The following MYO1H variants were observed in gnomAD, a reference collection of about 807,000 sequenced individuals.
The protein encoded by MYO1H is myosin IH.
In MYO1H, 118 loss-of-function variants were observed where a neutral mutation model predicts 149.3. The observed-to-expected ratio is 0.79, with a 90% confidence interval of 0.68 to 0.92. MYO1H has a LOEUF of 0.92. Ranked by LOEUF, MYO1H falls within the 40% of genes least tolerant of loss-of-function variation. MYO1H has a pLI of 0.00. For missense variants in MYO1H, 1,212 were observed against 1,280.7 expected, an observed-to-expected ratio of 0.95 and a Z score of 0.82; for synonymous variants, 447 against 465.2, an observed-to-expected ratio of 0.96 and a Z score of 0.50.
chr12:109,397,767 C>T (rs767956823), exon 5 of MYO1H: 3 of 1,612,210 alleles, frequency 1.9e-6, no homozygotes, highest in Non-Finnish European at 2.5e-6. Context: ...GGAATGACAA[C>T]TCCAGCAGAT....
the MYO1H span, among the ~76,000 whole-genome samples, chr12:109,340,714 G>A: frequency 8.9e-6 from 1 of 111,858 alleles, no homozygotes; most frequent in South Asian, 2.5e-4. Context: ...TTTGACAAAA[G>A]ATTAGAAGGT....
chr12:109,419,861 G>C (rs2217971), intron 15 of MYO1H, among the ~76,000 whole-genome samples: 39,912 of 146,764 alleles, frequency 0.27, 5,466 homozygotes, highest in East Asian at 0.36. Flanking sequence ...ATGCTTGGCT[G>C]CTCCCCCAAC....
chr12:109,446,865 T>C (rs933652154), intron 31 of MYO1H, among the ~76,000 whole-genome samples: 2 of 152,250 alleles, frequency 1.3e-5, no homozygotes, highest in African/African-American at 4.8e-5. Context: ...ATGTAGACTA[T>C]AAGGTGTCTT....
intron 1 of MYO1H, among the ~76,000 whole-genome samples, chr12:109,352,536 C>T (rs561229915): frequency 1.3e-5 from 2 of 152,270 alleles, no homozygotes; most frequent in South Asian, 4.1e-4. Context: ...CTACATCTTG[C>T]GTGTCTCGTT....
intron 2 of MYO1H, among the ~76,000 whole-genome samples, chr12:109,392,372 C>T (rs1362033021): frequency 6.6e-6 from 1 of 152,192 alleles, no homozygotes; most frequent in Non-Finnish European, 1.5e-5. Flanking sequence ...TTCCTGCCTA[C>T]TTTGTTTACA....
At chr12:109,424,801 G>C in exon 17 of MYO1H, 3 of 1,613,928 alleles carry the variant, frequency 1.9e-6, no homozygotes, top group Non-Finnish European at 2.5e-6. Context: ...TGCTGGCCGA[G>C]TTAGAAAACC....
At chr12:109,361,803 C>T (rs1410594477) in intron 1 of MYO1H, among the ~76,000 whole-genome samples, 1 of 121,450 alleles carries the variant, frequency 8.2e-6, no homozygotes, top group Non-Finnish European at 1.6e-5. Flanking sequence ...CAGAGCAAGA[C>T]CTTGTCTCAC....
the MYO1H span, among the ~76,000 whole-genome samples, chr12:109,320,203 G>C: frequency 0.012 from 1,757 of 151,908 alleles, 35 homozygotes; most frequent in African/African-American, 0.04. Context: ...AGTCCCAGCT[G>C]CTTGAGAAGC....
chr12:109,443,300 A>ATATGTGTACGTATATATGTGTG (rs1566045384), intron 27 of MYO1H, among the ~76,000 whole-genome samples: 2 of 125,352 alleles, frequency 1.6e-5, no homozygotes, highest in Non-Finnish European at 1.5e-5. Flanking sequence ...ATATGTGTGT[A>ATATGTGTACGTATATATGTGTG]TATATGTGTA....
chr12:109,318,984 T>TTTTTTG, the MYO1H span, among the ~76,000 whole-genome samples: 11 of 145,396 alleles, frequency 7.6e-5, no homozygotes, highest in South Asian at 2.2e-4. Context: ...TTTTTTTTTT[T>TTTTTTG]TTTTTTTTTT....
intron 20 of MYO1H, 24 bp downstream of exon 20, chr12:109,433,034 A>ATTTGG: frequency 6.5e-7 from 1 of 1,547,042 alleles, no homozygotes; most frequent in Non-Finnish European, 8.9e-7. Context: ...AGACCACCAA[A>ATTTGG]TGGTCTCTTC....
At chr12:109,429,503 A>T (rs147473875) in intron 19 of MYO1H, among the ~76,000 whole-genome samples, 2 of 152,224 alleles carry the variant, frequency 1.3e-5, no homozygotes, top group African/African-American at 4.8e-5. Context: ...TAGTATTTAC[A>T]TAGTATTAGG....
intron 12 of MYO1H, 73 bp downstream of exon 12, chr12:109,410,141 A>ATT (rs61109384): frequency 5.8e-5 from 42 of 725,634 alleles, no homozygotes; most frequent in East Asian, 3.1e-4. Context: ...AATTTAATTA[A>ATT]TTTTTTTTTT....
At chr12:109,322,987 G>A in the MYO1H span, among the ~76,000 whole-genome samples, 1 of 144,034 alleles carries the variant, frequency 6.9e-6, no homozygotes, top group Non-Finnish European at 1.5e-5. Context: ...TGCGCCTGTG[G>A]TCCCAGCTAC....
Position 109,436,470 on chromosome 12 carries a change from CGTCT to C in MYO1H, c.2141-15_2141-12del, listed in dbSNP as rs1566042139. The C allele has an allele frequency of 3.1e-6, 5 of 1,596,534 alleles. No homozygotes were observed. Among genetic ancestry groups the C allele is most frequent in the Admixed American group, 1.7e-5 (1 of 58,862 alleles). ...CAAATGCAAAGCCATTTCACCAAAA[CGTCT>C]GTTTTATTTTAAGTTGCAAGAATCC... On this transcript the variant is annotated splice_polypyrimidine_tract_variant and intron_variant, in intron 21 of 31. Transcript: ENST00000310903.
chr12:109,383,485 T>G (rs1291158249), intron 1 of MYO1H, among the ~76,000 whole-genome samples: 2 of 152,216 alleles, frequency 1.3e-5, no homozygotes, highest in Non-Finnish European at 2.9e-5. Context: ...CAGGAGTTTA[T>G]TTCTTACGTA....
At chr12:109,353,573 A>T (rs1055357325) in intron 1 of MYO1H, among the ~76,000 whole-genome samples, 3 of 152,326 alleles carry the variant, frequency 2.0e-5, no homozygotes, top group African/African-American at 4.8e-5. Flanking sequence ...CGTTATTTTT[A>T]AAATGATCTA....
intron 7 of MYO1H, among the ~76,000 whole-genome samples, chr12:109,405,332 GAC>G (rs1276073656): frequency 6.6e-6 from 1 of 152,148 alleles, no homozygotes; most frequent in East Asian, 1.9e-4. Context: ...CCTCTTTTGA[GAC>G]AGAGTCTTGC....
rs1870279403 is a variant in MYO1H, at chr12:109,404,148, G to A, written c.849+68G>A. On this transcript the variant is annotated intron_variant, in intron 7 of 31. Coordinates refer to ENST00000310903, the Ensembl canonical transcript of MYO1H. ...GAGGAAACATTCCTAATTTCTTGGT[G>A]TTTGCAGAATACAGTGGCCAAATTC... The A allele has an allele frequency of 2.4e-6, 3 of 1,251,528 alleles. No homozygotes were observed. The South Asian group carries it at 3.8e-5, about 16-fold the overall frequency. 77.5% of individuals were successfully genotyped at this position (1,251,528 alleles called of 1,614,324 possible).
Sources: gnomAD v4.1 joint callset for allele counts (sites outside exome capture counted in the v4.1 genomes callset) on GRCh38, gnomAD v4.1.1 for gene constraint, MANE v1.5 for transcripts, NCBI Gene and HGNC (gene_info 2026-07-23, HGNC 2026-07-21) for gene names.